The following TCEANC2 variants were observed in gnomAD, a reference collection of about 807,000 sequenced individuals.
TCEANC2 encodes transcription elongation factor A N-terminal and central domain containing 2.
Under a neutral mutation model 22.8 loss-of-function variants are expected in TCEANC2, and 20 were observed. The observed-to-expected ratio is 0.88, with a 90% confidence interval of 0.62 to 1.28. TCEANC2 has a LOEUF of 1.28. TCEANC2 is among the 50% of genes most tolerant of loss of function. The pLI, the probability that TCEANC2 is intolerant of heterozygous loss-of-function variation, is 0.00. For missense variants in TCEANC2, 251 were observed against 249.7 expected, an observed-to-expected ratio of 1.01 and a Z score of -0.03; for synonymous variants, 84 against 95.5, an observed-to-expected ratio of 0.88 and a Z score of 0.70.
intron 3 of TCEANC2, among the ~76,000 whole-genome samples, chr1:54,069,394 G>A (rs1489714971): frequency 6.6e-6 from 1 of 152,108 alleles, no homozygotes; most frequent in African/African-American, 2.4e-5. Flanking sequence ...GATCACTTGA[G>A]GTCAGGAGTC....
chr1:54,090,141 C>T (rs570169126), intron 4 of TCEANC2: 22 of 461,742 alleles, frequency 4.8e-5, no homozygotes, highest in African/African-American at 1.4e-4. Flanking sequence ...AAAAACAGCT[C>T]GTAGTTGATG....
rs1240122929 is a variant in TCEANC2, at chr1:54,097,218, T to C, written c.*745T>C. The C allele has an allele frequency of 2.0e-5, 3 of 152,636 alleles. No homozygotes were observed. Among genetic ancestry groups the C allele is most frequent in the Non-Finnish European group, 4.4e-5 (3 of 68,424 alleles). 9.5% of individuals were successfully genotyped at this position (152,636 alleles called of 1,614,324 possible). A position where few individuals can be genotyped will look rare whatever the true frequency, so the allele number is the denominator to read the frequency against. ...CAGTAGAAAAAAGTACATACATATA[T>C]ATGTTAAAATGAAATATCTCTACAC... On this transcript the variant is annotated 3_prime_UTR_variant, in exon 5 of 5. Coordinates refer to ENST00000234827, the MANE Select transcript of TCEANC2 (RefSeq NM_153035.3).
At chr1:54,076,697 G>A (rs555044378) in intron 3 of TCEANC2, among the ~76,000 whole-genome samples, 22 of 152,128 alleles carry the variant, frequency 1.4e-4, no homozygotes, top group Non-Finnish European at 1.9e-4. Flanking sequence ...GTGTTATAGA[G>A]AAAGAACAGG....
At chr1:54,058,097 C>A (rs552221049) in intron 2 of TCEANC2, among the ~76,000 whole-genome samples, 1 of 152,240 alleles carries the variant, frequency 6.6e-6, no homozygotes, top group South Asian at 2.1e-4. Flanking sequence ...ATTAATAATA[C>A]CTGTTTTATA....
At chr1:54,086,030 A>C (rs1658333555) in intron 3 of TCEANC2, among the ~76,000 whole-genome samples, 1 of 152,220 alleles carries the variant, frequency 6.6e-6, no homozygotes, top group African/African-American at 2.4e-5. Context: ...CACTGCACCC[A>C]GGCGACTACT....
chr1:54,066,789 C>G (rs1249947410), intron 2 of TCEANC2, among the ~76,000 whole-genome samples: 1 of 152,196 alleles, frequency 6.6e-6, no homozygotes, highest in Non-Finnish European at 1.5e-5. Flanking sequence ...ATTTTTCATA[C>G]AGTTTAACAC....
rs768725717 is a variant in TCEANC2 at position 54,096,350 on chromosome 1, TG to T, written c.507del (p.Pro170ArgfsTer6). 3 of 1,610,752 alleles carry T rather than the reference TG, an allele frequency of 1.9e-6. No homozygotes were observed. Among genetic ancestry groups the T allele is most frequent in the Non-Finnish European group, 1.7e-6 (2 of 1,177,150 alleles). On this transcript the variant is annotated frameshift_variant, in exon 5 of 5. Coordinates refer to ENST00000234827, the MANE Select transcript of TCEANC2 (RefSeq NM_153035.3). LOFTEE classifies it high-confidence loss of function. The surrounding 1 kb of genome is among the most constrained non-coding windows in gnomAD (Gnocchi z 4.9). ...TTCATCTCTGCTCCCGCCTCATTAA[TG>T]GGCCGTACCGGCGGACGGTGAGAGC... Reference protein sequence around the residue: ...TFHLCSRLINGPYRRTVRALV... With the variant: ...TFHLCSRLINXPYRRTVRALV...
At chr1:54,086,889 C>G (rs946357217) in intron 3 of TCEANC2, among the ~76,000 whole-genome samples, 2 of 152,176 alleles carry the variant, frequency 1.3e-5, no homozygotes, top group African/African-American at 4.8e-5. Context: ...TAAGGCAGGG[C>G]AGCGGGGCTA....
chr1:54,090,292 GA>G (rs1658418478), intron 4 of TCEANC2, among the ~76,000 whole-genome samples: 1 of 151,916 alleles, frequency 6.6e-6, no homozygotes, highest in South Asian at 2.1e-4. Context: ...GTATAAAAGG[GA>G]AAAAAATGTA....
intron 2 of TCEANC2, among the ~76,000 whole-genome samples, chr1:54,055,267 G>T (rs754528237): frequency 1.3e-5 from 2 of 152,156 alleles, no homozygotes; most frequent in Non-Finnish European, 2.9e-5. Flanking sequence ...TGCCCAGCTG[G>T]AAAGAGGCTG....
Position 54,103,535 on chromosome 1 carries a change from A to C in TCEANC2, c.*7062A>C, listed in dbSNP as rs1658696889. 6.6e-6 allele frequency: 1 copy of C among 152,180 alleles called. No individual in the cohort carries two copies. Among genetic ancestry groups the C allele is most frequent in the Non-Finnish European group, 1.5e-5 (1 of 68,044 alleles). 9.4% of individuals were successfully genotyped at this position (152,180 alleles called of 1,614,324 possible). ...TCACTTCCCACCATGTCCCTCCCTC[A>C]ACACGTGGGGATTATAATTCGAGTT... On this transcript the variant is annotated 3_prime_UTR_variant, in exon 5 of 5. Coordinates refer to ENST00000234827, the MANE Select transcript of TCEANC2 (RefSeq NM_153035.3).
intron 3 of TCEANC2, among the ~76,000 whole-genome samples, chr1:54,069,695 A>AATATTGT (rs1658022003): frequency 6.6e-6 from 1 of 152,150 alleles, no homozygotes; most frequent in Non-Finnish European, 1.5e-5. Context: ...TGTAAATAAA[A>AATATTGT]ACGTGTAAAT....
At chr1:54,095,072 G>A (rs1411253701) in intron 4 of TCEANC2, among the ~76,000 whole-genome samples, 1 of 152,210 alleles carries the variant, frequency 6.6e-6, no homozygotes, top group African/African-American at 2.4e-5. Flanking sequence ...TTGAGCCCAT[G>A]AGTTTGAGCC....
chr1:54,108,839 G>C (rs953562132), downstream of TCEANC2, among the ~76,000 whole-genome samples: 1 of 152,112 alleles, frequency 6.6e-6, no homozygotes, highest in Non-Finnish European at 1.5e-5. Flanking sequence ...GGGCATGGTG[G>C]TGGGCGCCTG....
chr1:54,079,673 T>C (rs1313962503), intron 3 of TCEANC2, among the ~76,000 whole-genome samples: 1 of 152,204 alleles, frequency 6.6e-6, no homozygotes, highest in African/African-American at 2.4e-5. Context: ...TGTGACTAGA[T>C]TGGGCCCACT....
At chr1:54,091,068 A>G (rs1310237732) in intron 4 of TCEANC2, among the ~76,000 whole-genome samples, 1 of 152,184 alleles carries the variant, frequency 6.6e-6, no homozygotes, top group East Asian at 1.9e-4. Flanking sequence ...AAAAAATATC[A>G]GATTAAGCAT....
chr1:54,064,966 C>T (rs1247036473), intron 2 of TCEANC2, among the ~76,000 whole-genome samples: 2 of 152,132 alleles, frequency 1.3e-5, no homozygotes, highest in Non-Finnish European at 2.9e-5. Flanking sequence ...TCCCATAGTG[C>T]CGGGATTACA....
In TCEANC2 at chr1:54,094,207, T is replaced by C. The variant is rs574485732; in HGVS notation, c.439-2078T>C. Reference sequence around the variant, plus strand: ...GCCTGGATATTCACTCTCTCTCTCTTTCTTTCTCTCTGTCTCTTTCAGTCC... The same window carrying C: ...GCCTGGATATTCACTCTCTCTCTCTCTCTTTCTCTCTGTCTCTTTCAGTCC... On this transcript the variant is annotated intron_variant, in intron 4 of 4. Coordinates refer to ENST00000234827, the MANE Select transcript of TCEANC2 (RefSeq NM_153035.3). Among the ~76,000 whole-genome samples, 59 of 152,252 alleles carry C rather than the reference T, an allele frequency of 3.9e-4. 1 individual carries two copies. The highest frequency in any genetic ancestry group is 1.4e-3 in the African/African-American group (57 of 41,566).
chr1:54,095,664 C>G (rs532361960), intron 4 of TCEANC2, among the ~76,000 whole-genome samples: 1 of 152,106 alleles, frequency 6.6e-6, no homozygotes, highest in East Asian at 1.9e-4. Flanking sequence ...ACCATTCTCT[C>G]GGAATGTTGA....
Sources: allele counts gnomAD v4.1 joint callset (sites outside exome capture counted in the v4.1 genomes callset), GRCh38; gene constraint gnomAD v4.1.1; non-coding constraint Gnocchi (gnomAD v3.1); transcripts MANE v1.5; gene names NCBI Gene and HGNC (gene_info 2026-07-23, HGNC 2026-07-21).